The following CEP120 variants were observed in gnomAD, a reference collection of about 807,000 sequenced individuals.
CEP120 encodes the protein centrosomal protein of 120 kDa.
CEP120 carries 113 observed loss-of-function variants against 126.5 expected under a neutral mutation model. The observed-to-expected ratio is 0.89, with a 90% CI of 0.77 to 1.04. CEP120 has a LOEUF of 1.04. Ranked by LOEUF, CEP120 falls within the 50% of genes least tolerant of loss-of-function variation. The pLI is 0.00. For synonymous variants in CEP120, 400 were observed against 394.3 expected, an observed-to-expected ratio of 1.01 and a Z score of -0.17; for missense variants, 1,230 against 1,155.7, an observed-to-expected ratio of 1.06 and a Z score of -0.93.
At chr5:123,403,678 C>A in intron 4 of CEP120, 1 of 404,096 alleles carries the variant, frequency 2.5e-6, no homozygotes, top group South Asian at 1.8e-5. Flanking sequence ...TAGGACAAAT[C>A]AAAATTGTGC....
intron 18 of CEP120, among the ~76,000 whole-genome samples, chr5:123,360,645 C>A (rs1335739166): frequency 2.3e-5 from 2 of 86,528 alleles, no homozygotes; most frequent in Non-Finnish European, 5.4e-5. Context: ...CTTTGCAATG[C>A]TTTTTGGGCA....
chr5:123,360,321 A>C (rs1038302137), intron 18 of CEP120, among the ~76,000 whole-genome samples: 1 of 151,984 alleles, frequency 6.6e-6, no homozygotes, highest in Admixed American at 6.6e-5. Context: ...ATTCACTATG[A>C]TAATCCCAAG....
At chr5:123,393,110 G>C (rs1361414885) in intron 6 of CEP120, among the ~76,000 whole-genome samples, 190 bp downstream of exon 6, 3 of 151,948 alleles carry the variant, frequency 2.0e-5, no homozygotes, top group African/African-American at 7.3e-5. Context: ...ATAAAATTCT[G>C]AGGTAATTGT....
chr5:123,394,786 A>T (rs1772655458), intron 5 of CEP120, among the ~76,000 whole-genome samples: 1 of 152,244 alleles, frequency 6.6e-6, no homozygotes, highest in African/African-American at 2.4e-5. Flanking sequence ...ACACACATTG[A>T]GAGGAGCACC....
Position 123,377,458 on chromosome 5 carries a change from G to A in CEP120, c.2274C>T (p.Ala758=). The A allele has an allele frequency of 6.2e-7, 1 of 1,611,414 alleles. No homozygotes were observed. The highest frequency in any genetic ancestry group is 8.5e-7 in the Non-Finnish European group (1 of 1,179,158). ...LQELQDSIRR[A]KEDCIHQVEL... ...CTACTTGGTGAATACAGTCCTCTTT[G>A]GCCCTACGGATAGAGTCCTGCAGTT... The change falls in exon 16 of 20, where the codon GCC becomes GCT. Residue 758 remains alanine (A), a synonymous_variant. Transcript: ENST00000306467.
chr5:123,417,432 G>A (rs978495802), intron 2 of CEP120, among the ~76,000 whole-genome samples: 5 of 151,938 alleles, frequency 3.3e-5, no homozygotes, highest in African/African-American at 9.7e-5. Flanking sequence ...GTTGTTGCCT[G>A]CTTCTAGTCA....
chr5:123,385,519 AGTTT>A (rs1334210192), intron 10 of CEP120, among the ~76,000 whole-genome samples: 3 of 152,162 alleles, frequency 2.0e-5, no homozygotes, highest in South Asian at 2.1e-4. Context: ...ATACCATCTA[AGTTT>A]GTTTAAGTAC....
chr5:123,355,316 GGGTCAAAT>G (rs1305428445), intron 18 of CEP120, among the ~76,000 whole-genome samples: 2 of 152,130 alleles, frequency 1.3e-5, no homozygotes, highest in Non-Finnish European at 1.5e-5. Context: ...GGGGATGGCT[GGGTCAAAT>G]GGTATTTCTA....
chr5:123,398,571 T>C (rs1772960820), intron 5 of CEP120, among the ~76,000 whole-genome samples: 4 of 152,082 alleles, frequency 2.6e-5, no homozygotes, highest in Admixed American at 2.6e-4. Context: ...CCCCTCTGTG[T>C]AGTCCCCATG....
intron 4 of CEP120, chr5:123,401,673 G>A (rs1773250831): frequency 5.0e-6 from 7 of 1,412,818 alleles, no homozygotes; most frequent in Non-Finnish European, 7.0e-6. Context: ...AGCTGCCTGA[G>A]GAAGTTGATC....
At chr5:123,402,714 TC>T in intron 4 of CEP120, among the ~76,000 whole-genome samples, 1 of 152,348 alleles carries the variant, frequency 6.6e-6, no homozygotes, top group Non-Finnish European at 1.5e-5. Context: ...CTGGCACTGT[TC>T]AATGTATATT....
intron 18 of CEP120, among the ~76,000 whole-genome samples, chr5:123,350,359 G>A (rs1411320529): frequency 6.6e-6 from 1 of 152,062 alleles, no homozygotes; most frequent in Non-Finnish European, 1.5e-5. Flanking sequence ...GGAGTATCTG[G>A]GCCCAAGGTG....
intron 16 of CEP120, among the ~76,000 whole-genome samples, chr5:123,373,779 A>T (rs1056684711): frequency 1.3e-5 from 2 of 152,030 alleles, no homozygotes; most frequent in African/African-American, 4.8e-5. Context: ...CCCTGGAACT[A>T]TAAGGCCTCC....
chr5:123,350,177 G>T, intron 18 of CEP120, 88 bp from the exon 19 acceptor site: 1 of 1,200,632 alleles, frequency 8.3e-7, no homozygotes, highest in South Asian at 1.5e-5. Context: ...AATCCTATTT[G>T]ACAACACCCA....
chr5:123,418,429 G>T lies in CEP120; in HGVS notation c.136C>A (p.His46Asn), dbSNP rs750619101. 3.7e-6 allele frequency: 6 copies of T among 1,612,960 alleles called. No homozygotes were observed. The highest frequency in any genetic ancestry group is 5.1e-6 in the Non-Finnish European group (6 of 1,179,174). ...GEQLATDPVD[H>N]TDQPEFATEL... ...GTAGCAAATTCTGGCTGGTCAGTGT[G>T]GTCCACAGGATCAGTAGCCAACTGT... is the stretch of plus-strand genomic sequence containing the variant. Residue 46 changes from histidine to asparagine, a missense_variant, in exon 2 of 20, where the codon CAC (histidine) becomes AAC (asparagine). Physicochemically the swap from His to Asn is moderately conservative, Grantham distance 68. Transcript: ENST00000306467.
rs577466522 is a variant in CEP120, at chr5:123,397,386, A to G, written c.612+1750T>C. Among the ~76,000 whole-genome samples the G allele has an allele frequency of 2.0e-5, 3 of 152,370 alleles. No homozygotes were observed. The South Asian group carries it at 6.2e-4, about 32-fold the overall frequency. ...TATGGTAACAACACAGTAAAAATAC[A>G]GTACATTCCTAATTATCTGACATAT... On this transcript the variant is annotated intron_variant, in intron 5 of 19. Transcript: ENST00000306467.
chr5:123,396,240 T>G (rs187144932), intron 5 of CEP120, among the ~76,000 whole-genome samples: 1 of 152,320 alleles, frequency 6.6e-6, no homozygotes, highest in Non-Finnish European at 1.5e-5. Flanking sequence ...TTGGCTATCA[T>G]GTATAGTATT....
At chr5:123,355,491 G>A (rs1485884521) in intron 18 of CEP120, among the ~76,000 whole-genome samples, 1 of 151,992 alleles carries the variant, frequency 6.6e-6, no homozygotes, top group Non-Finnish European at 1.5e-5. Context: ...ACTGGTGTGA[G>A]ATAGTATCTC....
At chr5:123,408,221 A>C (rs1424079187) in intron 4 of CEP120, among the ~76,000 whole-genome samples, 1 of 152,194 alleles carries the variant, frequency 6.6e-6, no homozygotes, top group South Asian at 2.1e-4. Context: ...AGGAAACCAG[A>C]AAAGGAGCAA....
Sources: gnomAD v4.1 joint callset for allele counts (sites outside exome capture counted in the v4.1 genomes callset) on GRCh38, gnomAD v4.1.1 for gene constraint, MANE v1.5 for transcripts, NCBI Gene and HGNC (gene_info 2026-07-23, HGNC 2026-07-21) for gene names.